Variants in DPY19L1 observed in about 807,000 individuals in gnomAD.
The protein encoded by DPY19L1 is protein C-mannosyl-transferase DPY19L1.
DPY19L1 carries 35 observed loss-of-function variants against 96.9 expected under a neutral mutation model. The observed-to-expected ratio is 0.36, with a 90% CI of 0.28 to 0.48. DPY19L1 has a LOEUF of 0.48. DPY19L1 is among the 20% of genes least tolerant of loss of function. DPY19L1 has a pLI of 0.99. For missense variants in DPY19L1, 521 were observed against 777.9 expected (o/e 0.67, Z 3.93); for synonymous variants, 205 against 252.6 (o/e 0.81, Z 1.79).
At position 34,930,661 on chromosome 7, in the gene DPY19L1, C is replaced by G. The variant is rs1783733779; in HGVS notation, c.*912G>C. Reference sequence around the variant, plus strand: ...AAATATACATTAGTTTCTAGATGCACTATATTTGGGGTTGTTCAAAATAGT... The same window carrying G: ...AAATATACATTAGTTTCTAGATGCAGTATATTTGGGGTTGTTCAAAATAGT... On this transcript the variant is annotated 3_prime_UTR_variant, in exon 22 of 22. Transcript: ENST00000638088. 6.6e-6 allele frequency: 1 copy of G among 151,980 alleles called. No individual in the cohort carries two copies. The highest frequency in any genetic ancestry group is 2.4e-5 in the African/African-American group (1 of 41,388). 9.4% of individuals were successfully genotyped at this position (151,980 alleles called of 1,614,324 possible). A position where few individuals can be genotyped will look rare whatever the true frequency, so the allele number is the denominator to read the frequency against.
At chr7:35,001,305 T>C (rs1785421772) in intron 6 of DPY19L1, among the ~76,000 whole-genome samples, 1 of 152,166 alleles carries the variant, frequency 6.6e-6, no homozygotes, top group African/African-American at 2.4e-5. Flanking sequence ...ATAGATAATA[T>C]GTTTTTATTG....
chr7:35,023,833 C>CTTTTTTTTTTTTTTTTTTTTTTTT (rs755619806), intron 1 of DPY19L1, among the ~76,000 whole-genome samples: 1 of 111,810 alleles, frequency 8.9e-6, no homozygotes, highest in Non-Finnish European at 1.8e-5. Context: ...CTTTTCTTTT[C>CTTTTTTTTTTTTTTTTTTTTTTTT]TTTTTTTTTT....
rs1295716954 is a variant in DPY19L1, at chr7:34,930,390, G to A, written c.*1183C>T. On this transcript the variant is annotated 3_prime_UTR_variant, in exon 22 of 22. Coordinates refer to ENST00000638088, the MANE Select transcript of DPY19L1 (RefSeq NM_001366673.1). ...TAAATAGGAAGAAAAAAACTAAAGA[G>A]GAGGACGAAATATACTTATTCCTTA... is the stretch of plus-strand genomic sequence containing the variant. 6.6e-6 allele frequency: 1 copy of A among 152,022 alleles called. No homozygotes were observed. Among genetic ancestry groups the A allele is most frequent in the African/African-American group, 2.4e-5 (1 of 41,392 alleles). 9.4% of individuals were successfully genotyped at this position (152,022 alleles called of 1,614,324 possible). A position where few individuals can be genotyped will look rare whatever the true frequency, so the allele number is the denominator to read the frequency against.
At chr7:34,997,733 T>A (rs1170446274) in intron 6 of DPY19L1, among the ~76,000 whole-genome samples, 9 of 152,092 alleles carry the variant, frequency 5.9e-5, no homozygotes, top group Non-Finnish European at 1.2e-4. Flanking sequence ...TTGATTTTTT[T>A]AAAATAAAGA....
At chr7:35,035,048 T>C (rs1188015365) in intron 1 of DPY19L1, among the ~76,000 whole-genome samples, 2 of 152,120 alleles carry the variant, frequency 1.3e-5, no homozygotes, top group Non-Finnish European at 2.9e-5. Context: ...GGGGAAGAAA[T>C]AGGTCTGACA....
rs566689442 is a variant in DPY19L1, at chr7:34,975,697, G to A, written c.823-2092C>T. 3.9e-5 allele frequency among the ~76,000 whole-genome samples: 6 copies of A among 152,280 alleles called. No individual in the cohort carries two copies. In the South Asian group the frequency reaches 1.2e-3, roughly 32 times the overall value. On this transcript the variant is annotated intron_variant, in intron 7 of 21. Transcript: ENST00000638088. The stretch of plus-strand genomic sequence containing the variant: ...GCTGGCTTCAAAACATCAAAGGACA[G>A]GCTGACTCTCTTGTTAGACCTAATG...
At chr7:35,002,232 C>G (rs895572446) in intron 6 of DPY19L1, among the ~76,000 whole-genome samples, 8 of 150,584 alleles carry the variant, frequency 5.3e-5, no homozygotes, top group African/African-American at 1.9e-4. Context: ...TCATTAATAC[C>G]CTTAGAGAGA....
intron 6 of DPY19L1, among the ~76,000 whole-genome samples, chr7:34,991,947 T>C (rs879262533): frequency 4.6e-5 from 7 of 152,228 alleles, no homozygotes; most frequent in African/African-American, 9.6e-5. Context: ...TTACCGGGCA[T>C]ATAAATATTT....
intron 6 of DPY19L1, 87 bp from the exon 7 acceptor site, chr7:34,990,028 G>A: frequency 9.9e-7 from 1 of 1,010,824 alleles, no homozygotes; most frequent in Non-Finnish European, 1.5e-6. Flanking sequence ...CATAACCACT[G>A]GTATTATATA....
At chr7:34,975,810 G>A (rs937169738) in intron 7 of DPY19L1, among the ~76,000 whole-genome samples, 5 of 152,088 alleles carry the variant, frequency 3.3e-5, no homozygotes, top group Admixed American at 1.3e-4. Flanking sequence ...TACTCTGCAC[G>A]TGATCTACAA....
At chr7:34,956,626 C>T (rs370601219) in intron 11 of DPY19L1, among the ~76,000 whole-genome samples, 1 of 151,756 alleles carries the variant, frequency 6.6e-6, no homozygotes, top group East Asian at 1.9e-4. Context: ...GCCTCAGCCT[C>T]CTGAGTAGCT....
At chr7:35,018,876 A>G (rs1785923599) in intron 1 of DPY19L1, among the ~76,000 whole-genome samples, 1 of 152,192 alleles carries the variant, frequency 6.6e-6, no homozygotes, top group Non-Finnish European at 1.5e-5. Flanking sequence ...ACTATTGCTA[A>G]TAGAACTGAG....
At chr7:35,014,398 CA>C (rs147952681) in intron 3 of DPY19L1, among the ~76,000 whole-genome samples, 4 of 146,488 alleles carry the variant, frequency 2.7e-5, no homozygotes, top group Non-Finnish European at 3.0e-5. Flanking sequence ...ATATGTGAGA[CA>C]AAAAAAAAAC....
intron 1 of DPY19L1, among the ~76,000 whole-genome samples, chr7:35,024,149 C>A (rs1224223511): frequency 1.3e-5 from 2 of 152,054 alleles, no homozygotes; most frequent in African/African-American, 4.8e-5. Flanking sequence ...GAAATGTATT[C>A]TAAGTCCAAA....
chr7:35,031,553 G>A (rs1786261124), intron 1 of DPY19L1, among the ~76,000 whole-genome samples: 1 of 152,110 alleles, frequency 6.6e-6, no homozygotes, highest in Admixed American at 6.5e-5. Context: ...CAGCCTAATA[G>A]GATAAGTATT....
chr7:34,948,514 T>C (rs1332641107), intron 14 of DPY19L1, among the ~76,000 whole-genome samples: 1 of 152,142 alleles, frequency 6.6e-6, no homozygotes, highest in Non-Finnish European at 1.5e-5. Flanking sequence ...ATACTTACAG[T>C]GATGAGGAAT....
At chr7:34,964,592 T>G (rs1415066319) in intron 10 of DPY19L1, among the ~76,000 whole-genome samples, 3 of 152,162 alleles carry the variant, frequency 2.0e-5, no homozygotes, top group African/African-American at 7.2e-5. Flanking sequence ...TTAATGTTAA[T>G]TCATTATAGT....
intron 21 of DPY19L1, among the ~76,000 whole-genome samples, chr7:34,932,516 C>CT (rs1456038066): frequency 8.5e-5 from 13 of 152,130 alleles, no homozygotes; most frequent in African/African-American, 3.1e-4. Context: ...ATGCATATGG[C>CT]TTTAACACTG....
chr7:34,939,447 C>A, intron 19 of DPY19L1, 72 bp from the exon 20 acceptor site: 2 of 1,328,482 alleles, frequency 1.5e-6, no homozygotes, highest in South Asian at 1.3e-5. Context: ...AAGTGTAAAT[C>A]AATTATTTCA....
Sources: allele counts gnomAD v4.1 joint callset (sites outside exome capture counted in the v4.1 genomes callset), GRCh38; gene constraint gnomAD v4.1.1; transcripts MANE v1.5; gene names NCBI Gene and HGNC (gene_info 2026-07-23, HGNC 2026-07-21).